Variants in CAMKK1 observed in about 807,000 individuals in gnomAD.
CAMKK1 encodes the protein calcium/calmodulin dependent protein kinase kinase 1.
A neutral mutation model predicts 63.5 loss-of-function variants in CAMKK1; 20 were observed. The observed-to-expected ratio is 0.32, with a 90% CI of 0.22 to 0.46. The LOEUF (loss-of-function observed/expected upper bound fraction) is 0.46, where lower values mean the gene tolerates loss of function less well. CAMKK1 is among the 20% of genes least tolerant of loss of function. CAMKK1 has a pLI of 1.00. For missense variants in CAMKK1, 588 were observed against 658.1 expected (o/e 0.89, Z 1.17); for synonymous variants, 253 against 269.0 (o/e 0.94, Z 0.58).
Position 3,890,230 on chromosome 17 carries a change from G to A in CAMKK1, c.-44+2709C>T, listed in dbSNP as rs1395613878. The stretch of plus-strand genomic sequence containing the variant: ...ACCCGGGATGACTCAGTCCCCTTGA[G>A]GGAGGCCCAGGCGTCTGGTGCCAAG... On this transcript the variant is annotated intron_variant, in intron 1 of 15. Coordinates refer to ENST00000348335, the MANE Select transcript of CAMKK1 (RefSeq NM_032294.3). This position sits in a 1 kb window ranked among gnomAD's most constrained non-coding sequence, Gnocchi z 6.5. Among the ~76,000 whole-genome samples the A allele has an allele frequency of 1.3e-5, 2 of 152,178 alleles. No homozygotes were observed. Among genetic ancestry groups the A allele is most frequent in the East Asian group, 1.9e-4 (1 of 5,184 alleles).
chr17:3,885,368 G>T lies in CAMKK1; in HGVS notation c.320C>A (p.Pro107His), dbSNP rs1309597723. Residue 107 changes from proline to histidine, a missense_variant, in exon 2 of 16, where the codon CCC (proline) becomes CAC (histidine). Physicochemically the swap from Pro to His is moderately conservative, Grantham distance 77 (BLOSUM62 -2). Around this residue, in one of 3 missense-constraint regions of CAMKK1, gnomAD observed 357 missense variants for 407.4 expected, o/e 0.88. Coordinates refer to ENST00000348335, the MANE Select transcript of CAMKK1 (RefSeq NM_032294.3). ...GGCCACGTGGTGGGACTCGATGGTG[G>T]GCCTCCGCCAGGCCCGGGGGGAGAT... ...SHISPRAWRR[P>H]TIESHHVAIS... 6.2e-7 allele frequency: 1 copy of T among 1,607,410 alleles called. No individual in the cohort carries two copies. Among genetic ancestry groups the T allele is most frequent in the Non-Finnish European group, 8.5e-7 (1 of 1,176,292 alleles).
chr17:3,891,281 T>TG (rs1447889991), intron 1 of CAMKK1, among the ~76,000 whole-genome samples: 3 of 151,974 alleles, frequency 2.0e-5, no homozygotes, highest in Non-Finnish European at 4.4e-5. Context: ...TAATTTCTCG[T>TG]GGGGGCAAGA....
chr17:3,885,885 A>G (rs1240530124), intron 1 of CAMKK1, among the ~76,000 whole-genome samples, 155 bp from the exon 2 acceptor site: 3 of 152,156 alleles, frequency 2.0e-5, no homozygotes, highest in Admixed American at 2.0e-4. Context: ...TGTCCCTATG[A>G]CCTGAATGAA....
intron 14 of CAMKK1, among the ~76,000 whole-genome samples, chr17:3,868,728 C>G (rs2054688630): frequency 6.6e-6 from 1 of 152,020 alleles, no homozygotes; most frequent in African/African-American, 2.4e-5. Context: ...TCTTGGCTCA[C>G]TACAACCTCC....
chr17:3,860,479 TG>T lies in CAMKK1; in HGVS notation c.*1731del, dbSNP rs2054305171. 1 of 152,626 alleles carries T rather than the reference TG, an allele frequency of 6.6e-6. No homozygotes were observed. The highest frequency in any genetic ancestry group is 1.9e-4 in the East Asian group (1 of 5,190). The allele number at this position is 152,626 out of a possible 1,614,324, so 9.5% of individuals were successfully genotyped here. ...TCAGTGACAGGGTGAGCATCCCACC[TG>T]GGCCTACCCCTGAGCTTTCCAAGGG... On this transcript the variant is annotated 3_prime_UTR_variant, in exon 16 of 16. Coordinates refer to ENST00000348335, the MANE Select transcript of CAMKK1 (RefSeq NM_032294.3).
At chr17:3,881,520 C>A in intron 8 of CAMKK1, 107 bp downstream of exon 8, 1 of 1,125,742 alleles carries the variant, frequency 8.9e-7, no homozygotes, top group South Asian at 1.4e-5. Context: ...GGGCCTCCGT[C>A]TCTGACTTCT....
rs776099874 is a variant in CAMKK1, at chr17:3,882,109, C to T, written c.685+419G>A. On this transcript the variant is annotated intron_variant, in intron 7 of 15. Transcript: ENST00000348335. This position sits in a 1 kb window ranked among gnomAD's most constrained non-coding sequence, Gnocchi z 4.3. ...ACATTACTATTAACAAGGATAATAA[C>T]GAATGTGCTTTACATATAATTACTC... 23 of 593,164 alleles carry T rather than the reference C, an allele frequency of 3.9e-5. No individual in the cohort carries two copies. The highest frequency in any genetic ancestry group is 6.4e-5 in the Admixed American group (2 of 31,368). The allele number at this position is 593,164 out of a possible 1,614,324, so 36.7% of individuals were successfully genotyped here. A position where few individuals can be genotyped will look rare whatever the true frequency, so the allele number is the denominator to read the frequency against.
chr17:3,863,698 A>G (rs1436318263), intron 15 of CAMKK1, among the ~76,000 whole-genome samples: 1 of 152,168 alleles, frequency 6.6e-6, no homozygotes, highest in Admixed American at 6.5e-5. Context: ...CAACATGGCA[A>G]GACTCCATCT....
At chr17:3,878,151 A>G (rs1312253496) in intron 9 of CAMKK1, among the ~76,000 whole-genome samples, 3 of 151,852 alleles carry the variant, frequency 2.0e-5, no homozygotes, top group East Asian at 3.9e-4. Context: ...GCTTCTCATC[A>G]TCTGCATCGT....
intron 15 of CAMKK1, among the ~76,000 whole-genome samples, chr17:3,864,436 C>T (rs1026557012): frequency 4.6e-5 from 7 of 151,682 alleles, no homozygotes; most frequent in Non-Finnish European, 7.4e-5. Flanking sequence ...TTAGTAGAGA[C>T]GGGGTTTCAC....
At chr17:3,867,966 CAGGATCTGG>C (rs1567612507) in intron 14 of CAMKK1, among the ~76,000 whole-genome samples, 3 of 141,508 alleles carry the variant, frequency 2.1e-5, no homozygotes, top group African/African-American at 8.1e-5. Context: ...AATGGATACG[CAGGATCTGG>C]GGGAGATGCA....
chr17:3,885,790 G>A, intron 1 of CAMKK1, 60 bp from the exon 2 acceptor site: 3 of 1,533,186 alleles, frequency 2.0e-6, no homozygotes, highest in Non-Finnish European at 2.6e-6. Flanking sequence ...ACCAGGTAAG[G>A]TAGCCACAGC....
chr17:3,877,874 AGCTAG>A (rs1468580705), intron 9 of CAMKK1, among the ~76,000 whole-genome samples: 1 of 152,224 alleles, frequency 6.6e-6, no homozygotes, highest in Non-Finnish European at 1.5e-5. Context: ...ATAACTAGGC[AGCTAG>A]GCATCGATAT....
rs531590659 is a variant in CAMKK1, at chr17:3,884,191, C to G, written c.408+189G>C. On this transcript the variant is annotated intron_variant, in intron 3 of 15. Transcript: ENST00000348335. The surrounding 1 kb of genome is among the most constrained non-coding windows in gnomAD (Gnocchi z 4.5). ...GTCCACTGTCAAGAACTCAGAGAGTCGGGAATCAGGAGCCATCTTCCACCC... is the reference window on the plus strand; with the variant it reads ...GTCCACTGTCAAGAACTCAGAGAGTGGGGAATCAGGAGCCATCTTCCACCC... Among the ~76,000 whole-genome samples the G allele has an allele frequency of 6.6e-6, 1 of 152,130 alleles. No individual in the cohort carries two copies. The highest frequency in any genetic ancestry group is 1.5e-5 in the Non-Finnish European group (1 of 68,008).
Position 3,890,352 on chromosome 17 carries a change from T to A in CAMKK1, c.-44+2587A>T, listed in dbSNP as rs1426598650. Among the ~76,000 whole-genome samples the A allele has an allele frequency of 6.6e-6, 1 of 152,132 alleles. No individual in the cohort carries two copies. Among genetic ancestry groups the A allele is most frequent in the Admixed American group, 6.5e-5 (1 of 15,274 alleles). ...GGGCTGTTGCCTGACTCAGCACAGC[T>A]ACCCCCAGCGCATCGTCCTGGCCCA... On this transcript the variant is annotated intron_variant, in intron 1 of 15. Coordinates refer to ENST00000348335, the MANE Select transcript of CAMKK1 (RefSeq NM_032294.3). The surrounding 1 kb of genome is among the most constrained non-coding windows in gnomAD (Gnocchi z 6.5).
At chr17:3,874,216 G>A (rs2055038401) in intron 10 of CAMKK1, among the ~76,000 whole-genome samples, 1 of 152,064 alleles carries the variant, frequency 6.6e-6, no homozygotes, top group Non-Finnish European at 1.5e-5. Flanking sequence ...GAAAGACAAC[G>A]GCAGGCCAAG....
chr17:3,881,894 C>T, intron 7 of CAMKK1: 1 of 551,896 alleles, frequency 1.8e-6, no homozygotes, highest in East Asian at 3.0e-5. Context: ...GGCCCTTTTA[C>T]AGAGGGGGAA....
chr17:3,871,850 T>C (rs981236222), intron 12 of CAMKK1, among the ~76,000 whole-genome samples: 1 of 151,914 alleles, frequency 6.6e-6, no homozygotes, highest in African/African-American at 2.4e-5. Context: ...TTCACCATGT[T>C]GGCCAGGCTG....
chr17:3,883,771 G>T lies in CAMKK1; in HGVS notation c.462+113C>A. On this transcript the variant is annotated intron_variant, in intron 4 of 15. Coordinates refer to ENST00000348335, the MANE Select transcript of CAMKK1 (RefSeq NM_032294.3). The surrounding 1 kb of genome is among the most constrained non-coding windows in gnomAD (Gnocchi z 4.7). ...TCCTTTGCATACCCCTAGGGACAGG[G>T]AGCTCACTCTCAGGCAGCCCTGTCC... The T allele has an allele frequency of 9.9e-7, 1 of 1,012,530 alleles. No homozygotes were observed. 62.7% of individuals were successfully genotyped at this position (1,012,530 alleles called of 1,614,324 possible).
Sources: allele counts gnomAD v4.1 joint callset (sites outside exome capture counted in the v4.1 genomes callset), GRCh38; gene constraint gnomAD v4.1.1; regional missense constraint gnomAD v4.1.1; non-coding constraint Gnocchi (gnomAD v3.1); transcripts MANE v1.5; gene names NCBI Gene and HGNC (gene_info 2026-07-23, HGNC 2026-07-21).